STXBP5L: variants seen among roughly 807,000 people sequenced by gnomAD.
STXBP5L encodes syntaxin binding protein 5L.
Under a neutral mutation model 144.5 loss-of-function variants are expected in STXBP5L, and 65 were observed. The ratio of observed to expected loss-of-function variants is 0.45; its 90% CI spans 0.37 to 0.55. The LOEUF (loss-of-function observed/expected upper bound fraction) is 0.55. STXBP5L is among the 20% of genes least tolerant of loss of function. STXBP5L has a pLI of 0.00. For synonymous variants in STXBP5L, 505 were observed against 469.6 expected, an observed-to-expected ratio of 1.08 and a Z score of -0.97; for missense variants, 1,298 against 1,405.5, an observed-to-expected ratio of 0.92 and a Z score of 1.22.
chr3:121,125,499 A>G (rs940222132), intron 7 of STXBP5L, among the ~76,000 whole-genome samples: 2 of 152,032 alleles, frequency 1.3e-5, no homozygotes, highest in East Asian at 3.9e-4. Flanking sequence ...ATGTCATAGA[A>G]TCAGAAAATA....
intron 5 of STXBP5L, among the ~76,000 whole-genome samples, chr3:121,050,911 CAAAA>C (rs1204288900): frequency 6.6e-6 from 1 of 151,216 alleles, no homozygotes; most frequent in African/African-American, 2.4e-5. Flanking sequence ...AAATGGAAAA[CAAAA>C]AAAAGCAGGG....
rs537225945 is a variant in STXBP5L at position 121,006,132 on chromosome 3, G to T, written c.288-35568G>T. On this transcript the variant is annotated intron_variant, in intron 3 of 26. Coordinates refer to ENST00000471454, the MANE Select transcript of STXBP5L (RefSeq NM_001308330.2). ...TGTTAACTTTCTGTCTCGTTGTTCTGTCTAATGTTGACAGTGGGGTGTTAA... is the reference window on the plus strand; with the variant it reads ...TGTTAACTTTCTGTCTCGTTGTTCTTTCTAATGTTGACAGTGGGGTGTTAA... Among the ~76,000 whole-genome samples the T allele has an allele frequency of 3.9e-5, 6 of 152,238 alleles. No individual in the cohort carries two copies. The South Asian group carries it at 6.2e-4, about 16-fold the overall frequency.
At chr3:120,992,469 C>A (rs1025241197) in intron 3 of STXBP5L, among the ~76,000 whole-genome samples, 1 of 152,132 alleles carries the variant, frequency 6.6e-6, no homozygotes, top group Middle Eastern at 3.4e-3. Context: ...GCCTTCCTCA[C>A]CTCTGTTAAA....
intron 3 of STXBP5L, among the ~76,000 whole-genome samples, chr3:121,000,455 A>G (rs1247108899): frequency 1.3e-5 from 2 of 152,002 alleles, no homozygotes; most frequent in Non-Finnish European, 2.9e-5. Flanking sequence ...TTTCATGTCT[A>G]TCAGATCAGT....
intron 2 of STXBP5L, among the ~76,000 whole-genome samples, chr3:120,943,542 GTGTT>G (rs1290385199): frequency 6.6e-5 from 10 of 151,782 alleles, no homozygotes; most frequent in African/African-American, 2.2e-4. Context: ...GGAATAAAAT[GTGTT>G]TGGCCATGGT....
chr3:121,240,304 TAC>T, intron 13 of STXBP5L, 134 bp from the exon 14 acceptor site: 1 of 697,982 alleles, frequency 1.4e-6, no homozygotes, highest in Non-Finnish European at 2.3e-6. Context: ...AAAAGACAGC[TAC>T]ACACTTCATT....
At chr3:121,221,935 A>G (rs758686565) in intron 10 of STXBP5L, among the ~76,000 whole-genome samples, 3 of 152,038 alleles carry the variant, frequency 2.0e-5, no homozygotes, top group Non-Finnish European at 4.4e-5. Context: ...CCCACTGATA[A>G]TGTTTGGCGC....
chr3:121,139,549 C>G (rs1280131099), intron 7 of STXBP5L, among the ~76,000 whole-genome samples: 4 of 152,012 alleles, frequency 2.6e-5, no homozygotes, highest in Non-Finnish European at 4.4e-5. Context: ...ATGCTCTTAA[C>G]AATCACACTA....
chr3:121,387,434 T>C (rs1356955909), intron 22 of STXBP5L, among the ~76,000 whole-genome samples: 1 of 152,244 alleles, frequency 6.6e-6, no homozygotes, highest in Non-Finnish European at 1.5e-5. Context: ...CTATTTTGGC[T>C]TTTGTTGCCA....
chr3:121,060,963 C>G (rs934415074), intron 5 of STXBP5L, among the ~76,000 whole-genome samples: 1 of 152,126 alleles, frequency 6.6e-6, no homozygotes, highest in Admixed American at 6.6e-5. Flanking sequence ...TTTCCTGTCT[C>G]TATCTCCTTC....
At position 121,170,781 on chromosome 3, in the gene STXBP5L, A is replaced by G. The variant is rs560455335; in HGVS notation, c.877+13154A>G. Among the ~76,000 whole-genome samples, 11 of 152,332 alleles carry G rather than the reference A, an allele frequency of 7.2e-5. No individual in the cohort carries two copies. The East Asian group carries it at 1.9e-3, about 27-fold the overall frequency. ...CAGGGTACAAAGAGGAGATGGTACC[A>G]TTCCTTCTGAAACTATTTCAAACAA... On this transcript the variant is annotated intron_variant, in intron 9 of 26. Transcript: ENST00000471454.
At chr3:121,378,975 A>G (rs1193697447) in intron 21 of STXBP5L, 89 bp downstream of exon 21, 2 of 1,350,072 alleles carry the variant, frequency 1.5e-6, no homozygotes, top group Non-Finnish European at 2.0e-6. Context: ...GAGATCACAT[A>G]TGAAAGATGT....
At position 121,131,675 on chromosome 3, in the gene STXBP5L, A is replaced by T. The variant is rs75472934; in HGVS notation, c.669+9971A>T. ...TTCAAATTGTTTTTATGAAGCAATTATAAGAGTGATAACTAAACCTAATAA... is the reference window on the plus strand; with the variant it reads ...TTCAAATTGTTTTTATGAAGCAATTTTAAGAGTGATAACTAAACCTAATAA... On this transcript the variant is annotated intron_variant, in intron 7 of 26. Transcript: ENST00000471454. 9.8e-5 allele frequency among the ~76,000 whole-genome samples: 15 copies of T among 152,334 alleles called. 1 individual carries two copies. The East Asian group carries it at 2.9e-3, about 29-fold the overall frequency.
chr3:120,990,160 A>T (rs1339022731), intron 3 of STXBP5L, among the ~76,000 whole-genome samples: 1 of 152,162 alleles, frequency 6.6e-6, no homozygotes, highest in Non-Finnish European at 1.5e-5. Flanking sequence ...CTTATACACC[A>T]ATAACAGACA....
chr3:121,084,391 T>C (rs924079909), intron 5 of STXBP5L, among the ~76,000 whole-genome samples: 1 of 151,994 alleles, frequency 6.6e-6, no homozygotes, highest in African/African-American at 2.4e-5. Context: ...CCAGTGTGTG[T>C]TGTTCCCCTC....
At chr3:121,067,106 T>A (rs2107649062) in intron 5 of STXBP5L, among the ~76,000 whole-genome samples, 1 of 152,228 alleles carries the variant, frequency 6.6e-6, no homozygotes, top group South Asian at 2.1e-4. Flanking sequence ...TTTTTCAGTA[T>A]TTTCAAAGTA....
intron 5 of STXBP5L, among the ~76,000 whole-genome samples, chr3:121,094,480 G>C (rs1239301231): frequency 3.3e-5 from 5 of 151,986 alleles, no homozygotes; most frequent in Non-Finnish European, 2.9e-5. Context: ...TATATATTTA[G>C]GATAGTTAGC....
intron 5 of STXBP5L, among the ~76,000 whole-genome samples, chr3:121,082,296 CA>C (rs375202289): frequency 1.3e-5 from 2 of 151,882 alleles, no homozygotes; most frequent in African/African-American, 2.4e-5. Context: ...TTTCTTTCAT[CA>C]TTTTTTTTTG....
intron 5 of STXBP5L, among the ~76,000 whole-genome samples, chr3:121,047,620 CTT>C (rs1245881537): frequency 6.6e-6 from 1 of 152,106 alleles, no homozygotes; most frequent in Non-Finnish European, 1.5e-5. Flanking sequence ...CCTTCCTTGT[CTT>C]TTTTGATCTT....
Sources: allele counts gnomAD v4.1 joint callset (sites outside exome capture counted in the v4.1 genomes callset), GRCh38; gene constraint gnomAD v4.1.1; transcripts MANE v1.5; gene names NCBI Gene and HGNC (gene_info 2026-07-23, HGNC 2026-07-21).